Variants in SEMA6D observed in about 807,000 individuals in gnomAD.
The protein encoded by SEMA6D is semaphorin-6D.
A neutral mutation model predicts 106.6 loss-of-function variants in SEMA6D; 35 were observed. That is an observed-to-expected ratio of 0.33 (90% CI 0.25 to 0.44). SEMA6D has a LOEUF of 0.44. Ranked by LOEUF, SEMA6D falls within the 20% of genes least tolerant of loss-of-function variation. The pLI is 1.00. For missense variants in SEMA6D, 1,185 were observed against 1,345.9 expected, an observed-to-expected ratio of 0.88 and a Z score of 1.87; for synonymous variants, 499 against 487.7, an observed-to-expected ratio of 1.02 and a Z score of -0.31.
At position 47,625,759 on chromosome 15, in the gene SEMA6D, GTTTA is replaced by G. The variant is rs577334653; in HGVS notation, c.-55+24873_-55+24876del. Among the ~76,000 whole-genome samples the G allele has an allele frequency of 2.7e-3, 411 of 151,550 alleles. 4 individuals are homozygous for G. The highest frequency in any genetic ancestry group is 0.013 in the South Asian group (62 of 4,794). ...GAAAATATGCACAACAAATAGGAAT[GTTTA>G]TTTATTTATGAATTATATGCATGAT... On this transcript the variant is annotated intron_variant, in intron 4 of 19. Transcript: ENST00000558014.
intron 4 of SEMA6D, among the ~76,000 whole-genome samples, chr15:47,675,820 T>A (rs2078232764): frequency 1.3e-5 from 2 of 152,180 alleles, no homozygotes; most frequent in Admixed American, 1.3e-4. Context: ...TCCCTACCCC[T>A]TTCCCTGATG....
chr15:47,246,653 T>A (rs1413729018), intron 1 of SEMA6D, among the ~76,000 whole-genome samples: 7 of 152,194 alleles, frequency 4.6e-5, no homozygotes, highest in Non-Finnish European at 8.8e-5. Context: ...TGCGTCTCTT[T>A]CTCTGACCAC....
intron 1 of SEMA6D, among the ~76,000 whole-genome samples, chr15:47,267,507 T>G (rs1397893595): frequency 6.6e-6 from 1 of 152,148 alleles, no homozygotes; most frequent in Non-Finnish European, 1.5e-5. Flanking sequence ...TGTCTCTGAA[T>G]GTATTTTCTG....
At chr15:47,200,943 G>T (rs1894685162) in intron 1 of SEMA6D, among the ~76,000 whole-genome samples, 1 of 152,140 alleles carries the variant, frequency 6.6e-6, no homozygotes, top group Non-Finnish European at 1.5e-5. Flanking sequence ...GAGCTGCGTG[G>T]TTTCTTTGAG....
intron 4 of SEMA6D, among the ~76,000 whole-genome samples, chr15:47,667,737 G>A (rs1471093350): frequency 6.6e-6 from 1 of 152,062 alleles, no homozygotes; most frequent in African/African-American, 2.4e-5. Flanking sequence ...TTTTATAACA[G>A]CACTCACCTC....
chr15:47,688,651 T>G (rs2078521189), intron 4 of SEMA6D, among the ~76,000 whole-genome samples: 1 of 152,138 alleles, frequency 6.6e-6, no homozygotes, highest in Non-Finnish European at 1.5e-5. Context: ...GGAGGGACAT[T>G]GATGAGGCAA....
intron 1 of SEMA6D, among the ~76,000 whole-genome samples, chr15:47,260,415 G>A (rs1357758150): frequency 6.6e-6 from 1 of 152,056 alleles, no homozygotes; most frequent in Non-Finnish European, 1.5e-5. Context: ...TAATTTTCAT[G>A]GTCTTTGTGA....
At chr15:47,534,513 C>T (rs985939633) in intron 3 of SEMA6D, among the ~76,000 whole-genome samples, 2 of 152,032 alleles carry the variant, frequency 1.3e-5, no homozygotes, top group Non-Finnish European at 2.9e-5. Flanking sequence ...TAAAGGTAAA[C>T]GCTAATGCAG....
intron 1 of SEMA6D, among the ~76,000 whole-genome samples, chr15:47,409,211 G>C (rs890004782): frequency 1.3e-5 from 2 of 152,162 alleles, no homozygotes; most frequent in Admixed American, 1.3e-4. Context: ...GAGTGTGGGA[G>C]CACAATTCTC....
At chr15:47,680,998 T>C (rs185213873) in intron 4 of SEMA6D, among the ~76,000 whole-genome samples, 56 of 152,312 alleles carry the variant, frequency 3.7e-4, no homozygotes, top group African/African-American at 1.3e-3. Flanking sequence ...ATGTAAAATG[T>C]TGTTGCCGCT....
At chr15:47,732,394 G>A (rs2080181330) in intron 1 of SEMA6D, among the ~76,000 whole-genome samples, 1 of 152,118 alleles carries the variant, frequency 6.6e-6, no homozygotes, top group Non-Finnish European at 1.5e-5. Context: ...GTACATTCAA[G>A]GTGAGAATCC....
rs540205696 is a variant in SEMA6D at position 47,386,674 on chromosome 15, G to A, written c.-238-25719G>A. On this transcript the variant is annotated intron_variant, in intron 1 of 19. Coordinates refer to the SEMA6D transcript ENST00000558014. Reference sequence around the variant, plus strand: ...CAGGCATTGGCTGGCAGTTACCTATGGGAAGTGTGACCTCTGGGAACACCT... The same window carrying A: ...CAGGCATTGGCTGGCAGTTACCTATAGGAAGTGTGACCTCTGGGAACACCT... 3.9e-5 allele frequency among the ~76,000 whole-genome samples: 6 copies of A among 152,270 alleles called. No homozygotes were observed. In the South Asian group the frequency reaches 1.2e-3, roughly 32 times the overall value.
intron 1 of SEMA6D, among the ~76,000 whole-genome samples, chr15:47,258,503 G>A (rs1484741257): frequency 1.3e-5 from 2 of 152,200 alleles, no homozygotes; most frequent in Non-Finnish European, 2.9e-5. Context: ...GGTGGAGGAA[G>A]AGTGAATTAT....
At chr15:47,769,731 A>G (rs2082531582) in intron 18 of SEMA6D, among the ~76,000 whole-genome samples, 1 of 152,162 alleles carries the variant, frequency 6.6e-6, no homozygotes, top group Admixed American at 6.5e-5. Flanking sequence ...CTGTGGTTGC[A>G]TTAAAAGGTT....
intron 1 of SEMA6D, among the ~76,000 whole-genome samples, chr15:47,410,718 T>C (rs1363677163): frequency 6.6e-6 from 1 of 152,118 alleles, no homozygotes; most frequent in African/African-American, 2.4e-5. Context: ...TGATTCAGAA[T>C]CTTTAGGAAG....
At chr15:47,705,212 G>A (rs1049377912) in intron 4 of SEMA6D, among the ~76,000 whole-genome samples, 18 of 152,148 alleles carry the variant, frequency 1.2e-4, no homozygotes, top group African/African-American at 4.1e-4. Context: ...ACTAACTAGA[G>A]GGGCTTATTG....
chr15:47,768,710 C>T lies in SEMA6D; in HGVS notation c.1895C>T (p.Thr632Ile), dbSNP rs1380427855. 6.2e-7 allele frequency: 1 copy of T among 1,613,510 alleles called. No individual in the cohort carries two copies. Among genetic ancestry groups the T allele is most frequent in the East Asian group, 2.2e-5 (1 of 44,866 alleles). Residue 632 changes from threonine to isoleucine, a missense_variant, in exon 18 of 19, where the codon ACT (threonine) becomes ATT (isoleucine). By Grantham distance (89) the Thr-to-Ile change is moderately conservative. This residue lies in a region of SEMA6D where 750 missense variants were observed against 783.5 expected (regional missense o/e 0.96). Transcript: ENST00000536845. ...TTTGTAGTTCAAGATGATCCAAACA[C>T]TTCTGATTTTACTGATCCTTTATCG... ...RKFVVQDDPN[T>I]SDFTDPLSGI...
intron 4 of SEMA6D, among the ~76,000 whole-genome samples, chr15:47,691,721 A>G (rs956225283): frequency 6.6e-6 from 1 of 152,074 alleles, no homozygotes; most frequent in Non-Finnish European, 1.5e-5. Flanking sequence ...CATATTCATG[A>G]ACTCTTTGCT....
intron 1 of SEMA6D, chr15:47,272,783 A>G (rs546318805): frequency 4.6e-5 from 7 of 152,542 alleles, no homozygotes; most frequent in African/African-American, 1.7e-4. Context: ...TAGAGAGTAT[A>G]CAAGTAGCTG....
Sources: allele counts gnomAD v4.1 joint callset (sites outside exome capture counted in the v4.1 genomes callset), GRCh38; gene constraint gnomAD v4.1.1; regional missense constraint gnomAD v4.1.1; transcripts MANE v1.5; gene names NCBI Gene and HGNC (gene_info 2026-07-23, HGNC 2026-07-21).